Variants in PROX2 observed in about 807,000 individuals in gnomAD.
The protein encoded by PROX2 is prospero homeobox protein 2.
Under a neutral mutation model 48.9 loss-of-function variants are expected in PROX2, and 46 were observed. The observed-to-expected ratio is 0.94, with a 90% CI of 0.74 to 1.20. The LOEUF is 1.20. Among genes scored for constraint, PROX2 ranks in the 50% most tolerant of loss-of-function variants. PROX2 has a pLI of 0.00. For synonymous variants in PROX2, 260 were observed against 276.6 expected (o/e 0.94, Z 0.60); for missense variants, 663 against 719.4 (o/e 0.92, Z 0.90).
intron 1 of PROX2, among the ~76,000 whole-genome samples, chr14:74,873,126 GGC>G (rs1171630663): frequency 6.6e-6 from 1 of 152,154 alleles, no homozygotes; most frequent in African/African-American, 2.4e-5. Context: ...TGGGACTACA[GGC>G]ACGTGCCACC....
chr14:74,875,656 A>G (rs754764712), intron 1 of PROX2, among the ~76,000 whole-genome samples: 18 of 152,354 alleles, frequency 1.2e-4, no homozygotes, highest in South Asian at 4.1e-4. Flanking sequence ...ACACAGTATT[A>G]TGGAGTGAGG....
At position 74,862,658 on chromosome 14, in the gene PROX2, T is replaced by C. The variant is rs147805312; in HGVS notation, c.1177A>G (p.Ser393Gly). 6.8e-6 allele frequency: 11 copies of C among 1,613,956 alleles called. No homozygotes were observed. In the Admixed American group the frequency reaches 1.2e-4, roughly 17 times the overall value. Residue 393 changes from serine to glycine, a missense_variant, in exon 3 of 6, where the codon AGC becomes GGC. By Grantham distance (56) the Ser-to-Gly change is moderately conservative. Transcript: ENST00000556489. ...RTTKPQPLVL[S>G]QQQCPLPFTS... ...AAAGGCAAGGGACACTGCTGCTGGC[T>C]CAGGACCAATGGTTGCGGCTTAGTA...
At chr14:74,856,581 T>C (rs1394613276) in intron 5 of PROX2, 2 of 557,284 alleles carry the variant, frequency 3.6e-6, no homozygotes, top group Non-Finnish European at 6.4e-6. Context: ...CTCACTAAGC[T>C]TCAGAATGAA....
At position 74,869,727 on chromosome 14, in the gene PROX2, G is replaced by T. The variant is rs747727177; in HGVS notation, c.-175+1376C>A. Among the ~76,000 whole-genome samples the T allele has an allele frequency of 2.0e-5, 3 of 151,966 alleles. No homozygotes were observed. In the East Asian group the frequency reaches 5.8e-4, roughly 29 times the overall value. The stretch of plus-strand genomic sequence containing the variant: ...CATACATCTCCTTATCTTTATCAAC[G>T]CTGGGCATTGTCTTTTAAATCTTTG... On this transcript the variant is annotated intron_variant, in intron 2 of 5. Transcript: ENST00000556489.
At chr14:74,860,499 C>G (rs1177842499) in intron 3 of PROX2, among the ~76,000 whole-genome samples, 1 of 152,114 alleles carries the variant, frequency 6.6e-6, no homozygotes, top group Non-Finnish European at 1.5e-5. Context: ...GCAATGCCTG[C>G]CACCGAGAAG....
chr14:74,858,240 G>A (rs368477903), intron 4 of PROX2, 167 bp downstream of exon 4: 10 of 511,952 alleles, frequency 2.0e-5, no homozygotes, highest in Admixed American at 1.0e-4. Context: ...AGTTATTCAC[G>A]GTTATTTGGG....
In PROX2 at chr14:74,863,892, T is replaced by G; in HGVS notation, c.-58A>C. Reference sequence around the variant, plus strand: ...TCCTCCTTATTTCCTCAGCTGGAAGTGCACCCAGAATGCGCTGGGCTTCCT... The same window carrying G: ...TCCTCCTTATTTCCTCAGCTGGAAGGGCACCCAGAATGCGCTGGGCTTCCT... On this transcript the variant is annotated 5_prime_UTR_variant, in exon 3 of 6. Coordinates refer to ENST00000556489, the MANE Select transcript of PROX2 (RefSeq NM_001243007.2). The G allele has an allele frequency of 1.4e-6, 2 of 1,435,204 alleles. No individual in the cohort carries two copies. Among genetic ancestry groups the G allele is most frequent in the South Asian group, 1.7e-5 (1 of 58,888 alleles). 88.9% of individuals were successfully genotyped at this position (1,435,204 alleles called of 1,614,324 possible).
intron 4 of PROX2, 149 bp from the exon 5 acceptor site, chr14:74,857,144 G>A (rs979248410): frequency 1.6e-5 from 10 of 613,946 alleles, no homozygotes; most frequent in Non-Finnish European, 2.3e-5. Flanking sequence ...CGAAGCCACC[G>A]CTATTTTCCA....
At position 74,853,207 on chromosome 14, in the gene PROX2, A is replaced by G. The variant is rs116935234; in HGVS notation, c.*1925T>C. The G allele has an allele frequency of 3.3e-5, 5 of 152,228 alleles. No individual in the cohort carries two copies. Among genetic ancestry groups the G allele is most frequent in the Non-Finnish European group, 7.3e-5 (5 of 68,056 alleles). 9.4% of individuals were successfully genotyped at this position (152,228 alleles called of 1,614,324 possible). A position where few individuals can be genotyped will look rare whatever the true frequency, so the allele number is the denominator to read the frequency against. On this transcript the variant is annotated 3_prime_UTR_variant, in exon 6 of 6. Transcript: ENST00000556489. ...GTGACTTGGCTCAGTCTTTAAACACACACTAATGAATTTCAGGTTTGGGAC... is the reference window on the plus strand; with the variant it reads ...GTGACTTGGCTCAGTCTTTAAACACGCACTAATGAATTTCAGGTTTGGGAC...
At chr14:74,860,457 G>A (rs1252783664) in intron 3 of PROX2, among the ~76,000 whole-genome samples, 1 of 152,080 alleles carries the variant, frequency 6.6e-6, no homozygotes, top group African/African-American at 2.4e-5. Context: ...GTAGCTAAGT[G>A]GTGGTGGGCA....
intron 3 of PROX2, among the ~76,000 whole-genome samples, chr14:74,859,696 C>T (rs2091780292): frequency 6.6e-6 from 1 of 152,202 alleles, no homozygotes; most frequent in African/African-American, 2.4e-5. Context: ...AGAGCTGTAG[C>T]TTAAGACAGT....
rs539835558 is a variant in PROX2, at chr14:74,862,462, G to A, written c.1305+68C>T. 5.1e-5 allele frequency: 78 copies of A among 1,536,664 alleles called. No individual in the cohort carries two copies. The East Asian group carries it at 1.7e-3, about 33-fold the overall frequency. On this transcript the variant is annotated intron_variant, in intron 3 of 5. Coordinates refer to ENST00000556489, the MANE Select transcript of PROX2 (RefSeq NM_001243007.2). Reference sequence around the variant, plus strand: ...TCCCACCTTGGCCTCCCAAAGCACTGGGATTACAAGCATGAGCCACACTGC... The same window carrying A: ...TCCCACCTTGGCCTCCCAAAGCACTAGGATTACAAGCATGAGCCACACTGC...
intron 2 of PROX2, among the ~76,000 whole-genome samples, chr14:74,867,240 G>A (rs771490247): frequency 6.6e-5 from 10 of 152,140 alleles, no homozygotes; most frequent in Non-Finnish European, 1.3e-4. Context: ...ACATGGTCTC[G>A]ATCTAACTCC....
intron 4 of PROX2, chr14:74,857,394 T>C (rs2091752710): frequency 6.1e-6 from 1 of 164,678 alleles, no homozygotes; most frequent in African/African-American, 2.4e-5. Flanking sequence ...GGGCAAGATG[T>C]AGGTCAGGGA....
At position 74,862,690 on chromosome 14, in the gene PROX2, C is replaced by T; in HGVS notation, c.1145G>A (p.Trp382Ter). ...CAATGGTTGCGGCTTAGTAGTTCTCCAAGGTCGTAGGGCAGGCTCTGAGGA... is the reference window on the plus strand; with the variant it reads ...CAATGGTTGCGGCTTAGTAGTTCTCTAAGGTCGTAGGGCAGGCTCTGAGGA... The part of the protein sequence containing the change: ...HPSSEPALRP[W>*]RTTKPQPLVL... The change falls in exon 3 of 6, where the codon TGG becomes TAG. Residue 382 changes from tryptophan to a stop codon, truncating the protein, a stop_gained. Transcript: ENST00000556489. LOFTEE classifies it high-confidence loss of function. 2 of 1,613,964 alleles carry T rather than the reference C, an allele frequency of 1.2e-6. No homozygotes were observed. The highest frequency in any genetic ancestry group is 1.7e-6 in the Non-Finnish European group (2 of 1,179,898).
chr14:74,862,951 T>G lies in PROX2; in HGVS notation c.884A>C (p.Gln295Pro). Residue 295 changes from glutamine (Q) to proline (P), a missense_variant, in exon 3 of 6, where the codon CAA becomes CCA. Gln to Pro is a moderately conservative substitution (Grantham distance 76). Transcript: ENST00000556489. The part of the protein sequence containing the change: ...LAALPRRVQL[Q>P]AGVPVGNLSL... ...TAAATTTCCTACTGGGACCCCAGCTTGTAGCTGGACCCTCCTGGGCAAGGC... is the reference window on the plus strand; with the variant it reads ...TAAATTTCCTACTGGGACCCCAGCTGGTAGCTGGACCCTCCTGGGCAAGGC... The G allele has an allele frequency of 6.2e-7, 1 of 1,613,918 alleles. No individual in the cohort carries two copies. Among genetic ancestry groups the G allele is most frequent in the Non-Finnish European group, 8.5e-7 (1 of 1,179,842 alleles).
chr14:74,854,052 T>G lies in PROX2; in HGVS notation c.*1080A>C, dbSNP rs1007301115. ...ATGCCATTTATCATCTGCAAGGCTG[T>G]GCACAGCCTGTGCAAGCCTCCTGTC... On this transcript the variant is annotated 3_prime_UTR_variant, in exon 6 of 6. Transcript: ENST00000556489. 2 of 211,464 alleles carry G rather than the reference T, an allele frequency of 9.5e-6. No homozygotes were observed. The highest frequency in any genetic ancestry group is 4.7e-5 in the African/African-American group (2 of 42,414). The allele number at this position is 211,464 out of a possible 1,614,324, so 13.1% of individuals were successfully genotyped here.
chr14:74,874,873 G>A (rs904427250), intron 1 of PROX2, among the ~76,000 whole-genome samples: 3 of 152,116 alleles, frequency 2.0e-5, no homozygotes, highest in Admixed American at 1.3e-4. Flanking sequence ...AGCTGGGCGG[G>A]GTGGCTCACG....
chr14:74,862,829 C>T lies in PROX2; in HGVS notation c.1006G>A (p.Ala336Thr), dbSNP rs1349751999. ...TGATTTTCCTGGATGTGGGAAGGTG[C>T]AGTCAAGGGAAAGTTTGCTGGGGGA... ...QDPPANFPLT[A>T]PSHIQENQIL... Residue 336 changes from alanine to threonine, a missense_variant, in exon 3 of 6, where the codon GCA becomes ACA. Transcript: ENST00000556489. The T allele has an allele frequency of 6.2e-7, 1 of 1,613,964 alleles. No individual in the cohort carries two copies. Among genetic ancestry groups the T allele is most frequent in the Admixed American group, 1.7e-5 (1 of 60,022 alleles).
Sources: allele counts gnomAD v4.1 joint callset (sites outside exome capture counted in the v4.1 genomes callset), GRCh38; gene constraint gnomAD v4.1.1; transcripts MANE v1.5; gene names NCBI Gene and HGNC (gene_info 2026-07-23, HGNC 2026-07-21).